The following CSTL1 variants were observed in gnomAD, a reference collection of about 807,000 sequenced individuals.
CSTL1 encodes cystatin like 1, also known as cystatin-like 1.
CSTL1 carries 14 observed loss-of-function variants against 14.4 expected under a neutral mutation model. The ratio of observed to expected loss-of-function variants is 0.97; its 90% CI spans 0.64 to 1.52. The LOEUF is 1.52. Ranked by LOEUF, CSTL1 falls within the 40% of genes most tolerant of loss-of-function variation. The pLI is 0.00. For synonymous variants in CSTL1, 72 were observed against 67.5 expected (o/e 1.07, Z -0.33); for missense variants, 170 against 168.7 (o/e 1.01, Z -0.04).
At chr20:23,454,783 G>T in the CSTL1 span, among the ~76,000 whole-genome samples, 1 of 152,166 alleles carries the variant, frequency 6.6e-6, no homozygotes, top group East Asian at 1.9e-4. Context: ...CTTTTCATTG[G>T]GTTACTCTTA....
the CSTL1 span, chr20:23,459,236 G>A: frequency 6.6e-6 from 1 of 152,192 alleles, no homozygotes; most frequent in East Asian, 1.9e-4. Flanking sequence ...TCTGCCTCTG[G>A]AACCTCACTT....
chr20:23,447,864 G>A (rs1196062511), downstream of CSTL1, among the ~76,000 whole-genome samples: 2 of 152,074 alleles, frequency 1.3e-5, no homozygotes, highest in African/African-American at 4.8e-5. Flanking sequence ...TTTAAACATT[G>A]TTTGTTTTTT....
At chr20:23,452,816 C>T in the CSTL1 span, 5 of 1,609,280 alleles carry the variant, frequency 3.1e-6, no homozygotes, top group Non-Finnish European at 4.3e-6. Flanking sequence ...CATCATCCTT[C>T]AGCTGCAGAG....
intron 1 of CSTL1, 124 bp from the exon 2 acceptor site, chr20:23,440,020 G>A (rs1375329696): frequency 7.7e-6 from 4 of 521,356 alleles, no homozygotes; most frequent in Non-Finnish European, 1.4e-5. Context: ...CGCCTTAGCA[G>A]GTGTTTAAAA....
At chr20:23,449,906 C>T (rs1987039016), downstream of CSTL1, among the ~76,000 whole-genome samples, 1 of 152,100 alleles carries the variant, frequency 6.6e-6, no homozygotes, top group Admixed American at 6.5e-5. Context: ...GTTGCTCGTG[C>T]AAGGGGGCAG....
the CSTL1 span, among the ~76,000 whole-genome samples, chr20:23,453,751 C>T: frequency 6.6e-6 from 1 of 152,192 alleles, no homozygotes; most frequent in Non-Finnish European, 1.5e-5. Flanking sequence ...ACACCCAACG[C>T]CTGTTTCGAG....
the CSTL1 span, chr20:23,450,587 T>C: frequency 6.2e-7 from 1 of 1,602,694 alleles, no homozygotes; most frequent in Non-Finnish European, 8.5e-7. Flanking sequence ...AGCAGTTGAC[T>C]TGCTAAAACA....
intron 2 of CSTL1, chr20:23,442,310 C>T (rs2123312710): frequency 6.6e-6 from 1 of 152,330 alleles, no homozygotes; most frequent in African/African-American, 2.4e-5. Context: ...GGCTTCACGC[C>T]CAGCTCCTCC....
chr20:23,451,761 G>GA, the CSTL1 span: 1 of 1,333,490 alleles, frequency 7.5e-7, no homozygotes, highest in Non-Finnish European at 1.1e-6. Context: ...TAAAGCCACA[G>GA]AAAAACCTCA....
At chr20:23,451,792 C>A in the CSTL1 span, 1 of 1,561,292 alleles carries the variant, frequency 6.4e-7, no homozygotes, top group Non-Finnish European at 8.8e-7. Context: ...CTTCTGTCTA[C>A]GTTAAAGTGC....
chr20:23,459,050 CT>C, the CSTL1 span: 1 of 152,300 alleles, frequency 6.6e-6, no homozygotes, highest in Admixed American at 6.5e-5. Context: ...TTGTCCTTCT[CT>C]TCCTTTTGTT....
the CSTL1 span, among the ~76,000 whole-genome samples, chr20:23,454,704 G>T: frequency 6.6e-6 from 1 of 152,218 alleles, no homozygotes; most frequent in Non-Finnish European, 1.5e-5. Context: ...CATCAGTTGG[G>T]CCTAGTGTGA....
Position 23,440,354 on chromosome 20 carries a change from G to C in CSTL1, c.87G>C (p.Glu29Asp). The C allele has an allele frequency of 6.2e-7, 1 of 1,614,200 alleles. No individual in the cohort carries two copies. The highest frequency in any genetic ancestry group is 8.5e-7 in the Non-Finnish European group (1 of 1,180,030). ...AGCTGGGTCACTTCCAAAGGTGGGA[G>C]GGCTTCCAGCAGAAGCTCATGAGCA... ...SAKLGHFQRW[E>D]GFQQKLMSKK... The change falls in exon 2 of 4, where the codon GAG becomes GAC. Residue 29 changes from glutamate (E) to aspartate (D), a missense_variant. By Grantham distance (45) the Glu-to-Asp change is conservative (BLOSUM62 2). Coordinates refer to ENST00000347397, the MANE Select transcript of CSTL1 (RefSeq NM_138283.1).
downstream of CSTL1, among the ~76,000 whole-genome samples, chr20:23,446,119 CT>C (rs1986961396): frequency 6.6e-6 from 1 of 152,226 alleles, no homozygotes; most frequent in Non-Finnish European, 1.5e-5. Flanking sequence ...GTCAACCTCA[CT>C]GCTGTACAGA....
chr20:23,452,501 T>G, the CSTL1 span: 1 of 853,688 alleles, frequency 1.2e-6, no homozygotes, highest in Admixed American at 1.8e-5. Context: ...TGAATTTCCC[T>G]TGAGTGGGAC....
chr20:23,458,434 T>C, the CSTL1 span: 8 of 152,242 alleles, frequency 5.3e-5, no homozygotes, highest in African/African-American at 1.9e-4. Flanking sequence ...AATCAATGAA[T>C]GTTCCTGCCC....
chr20:23,460,905 G>A, the CSTL1 span, among the ~76,000 whole-genome samples: 18 of 152,304 alleles, frequency 1.2e-4, no homozygotes, highest in Admixed American at 1.1e-3. Flanking sequence ...AAGATGAAAA[G>A]CTACTCGCCT....
intron 2 of CSTL1, chr20:23,440,995 G>T (rs543649476): frequency 1.8e-4 from 38 of 208,182 alleles, no homozygotes; most frequent in African/African-American, 6.9e-4. Flanking sequence ...CTGACCTCAG[G>T]TGATCTGCCC....
the CSTL1 span, among the ~76,000 whole-genome samples, chr20:23,460,066 A>G: frequency 5.3e-5 from 8 of 152,212 alleles, no homozygotes; most frequent in Non-Finnish European, 1.0e-4. Context: ...CCAACATTAG[A>G]TGAGAATGCC....
Sources: allele counts gnomAD v4.1 joint callset (sites outside exome capture counted in the v4.1 genomes callset), GRCh38; gene constraint gnomAD v4.1.1; transcripts MANE v1.5; gene names NCBI Gene and HGNC (gene_info 2026-07-23, HGNC 2026-07-21).